Variants in GALNT17 observed in about 807,000 individuals in gnomAD.
GALNT17 encodes the protein UDP-GalNAc:polypeptide N-acetylgalactosaminyltransferase-like 3.
A neutral mutation model predicts 63.7 loss-of-function variants in GALNT17; 29 were observed. The ratio of observed to expected loss-of-function variants is 0.46; its 90% CI spans 0.34 to 0.62. GALNT17 has a LOEUF of 0.62. Among genes scored for constraint, GALNT17 ranks in the 20% least tolerant of loss-of-function variants. The pLI is 0.01. For missense variants in GALNT17, 603 were observed against 799.6 expected (o/e 0.75, Z 2.97); for synonymous variants, 305 against 318.3 (o/e 0.96, Z 0.45).
At chr7:71,471,285 C>T (rs1169702835) in intron 5 of GALNT17, among the ~76,000 whole-genome samples, 1 of 151,364 alleles carries the variant, frequency 6.6e-6, no homozygotes, top group Admixed American at 6.6e-5. Flanking sequence ...CCATGTTGCC[C>T]AGGCTGGTCT....
chr7:71,513,215 T>C (rs1274251062), intron 5 of GALNT17, among the ~76,000 whole-genome samples: 2 of 152,172 alleles, frequency 1.3e-5, no homozygotes, highest in Admixed American at 6.5e-5. Flanking sequence ...TTTGCAGCTC[T>C]TTATTAGTCT....
intron 1 of GALNT17, among the ~76,000 whole-genome samples, chr7:71,297,415 C>G (rs1260346082): frequency 6.6e-6 from 1 of 152,096 alleles, no homozygotes; most frequent in East Asian, 1.9e-4. Flanking sequence ...GTGATGGTGC[C>G]TGCCTGTAAT....
At chr7:71,317,082 C>G (rs919072756) in intron 1 of GALNT17, among the ~76,000 whole-genome samples, 4 of 152,154 alleles carry the variant, frequency 2.6e-5, no homozygotes, top group African/African-American at 9.7e-5. Context: ...CCGGCTTGAG[C>G]TGGGCAAGTC....
chr7:71,548,713 A>T (rs889198949), intron 5 of GALNT17, among the ~76,000 whole-genome samples: 8 of 152,214 alleles, frequency 5.3e-5, no homozygotes, highest in African/African-American at 1.9e-4. Flanking sequence ...GTCTTTATAA[A>T]TTATTCAGTC....
At chr7:71,637,488 C>CCTT in intron 6 of GALNT17, among the ~76,000 whole-genome samples, 1 of 128,494 alleles carries the variant, frequency 7.8e-6, no homozygotes, top group African/African-American at 3.2e-5. Flanking sequence ...CGCACCTGGC[C>CCTT]ATTTTTTTTT....
At chr7:71,422,726 C>T (rs771237300) in intron 5 of GALNT17, among the ~76,000 whole-genome samples, 55 of 152,328 alleles carry the variant, frequency 3.6e-4, no homozygotes, top group African/African-American at 1.3e-3. Flanking sequence ...CTGCAGGGAG[C>T]TTGTGTTAAT....
intron 6 of GALNT17, among the ~76,000 whole-genome samples, chr7:71,596,591 C>G (rs2116927118): frequency 6.6e-6 from 1 of 151,982 alleles, no homozygotes; most frequent in Middle Eastern, 3.4e-3. Flanking sequence ...AGTTTGCAAC[C>G]CTGAAGATGA....
chr7:71,252,631 TGTTAA>T (rs1295002903), intron 1 of GALNT17, among the ~76,000 whole-genome samples: 2 of 152,282 alleles, frequency 1.3e-5, no homozygotes, highest in East Asian at 3.9e-4. Flanking sequence ...AATATTGACA[TGTTAA>T]GTTGGGATGC....
At chr7:71,210,062 A>G (rs1403397438) in intron 1 of GALNT17, among the ~76,000 whole-genome samples, 9 of 152,086 alleles carry the variant, frequency 5.9e-5, no homozygotes, top group Non-Finnish European at 1.0e-4. Flanking sequence ...AGCTGGGATT[A>G]TAGGCACCTG....
At position 71,441,162 on chromosome 7, in the gene GALNT17, A is replaced by G. The variant is rs1056409654; in HGVS notation, c.962+20057A>G. Among the ~76,000 whole-genome samples, 10 of 152,152 alleles carry G rather than the reference A, an allele frequency of 6.6e-5. No homozygotes were observed. In the South Asian group the frequency reaches 2.1e-3, roughly 32 times the overall value. On this transcript the variant is annotated intron_variant, in intron 5 of 10. Coordinates refer to ENST00000333538, the MANE Select transcript of GALNT17 (RefSeq NM_022479.3). ...CTCAGCCTCACAAGTAGCTGGGACT[A>G]TAGGCGCCCGCCACCACGCCCGGCT... is the stretch of plus-strand genomic sequence containing the variant.
intron 1 of GALNT17, among the ~76,000 whole-genome samples, chr7:71,234,971 C>T (rs777634032): frequency 1.2e-4 from 19 of 152,094 alleles, no homozygotes; most frequent in Non-Finnish European, 2.4e-4. Flanking sequence ...GTCTGTTCAG[C>T]GGGGCGCGGT....
intron 1 of GALNT17, among the ~76,000 whole-genome samples, chr7:71,273,256 A>G (rs893448362): frequency 6.6e-6 from 1 of 152,204 alleles, no homozygotes; most frequent in Non-Finnish European, 1.5e-5. Flanking sequence ...GTTCTCTGAA[A>G]TGTTATTGTA....
intron 1 of GALNT17, among the ~76,000 whole-genome samples, chr7:71,269,974 A>C (rs1790556845): frequency 6.6e-6 from 1 of 152,196 alleles, no homozygotes; most frequent in Non-Finnish European, 1.5e-5. Context: ...AGGCTTTAGG[A>C]AATATTTTCA....
At chr7:71,655,104 C>T (rs6460682) in intron 6 of GALNT17, among the ~76,000 whole-genome samples, 150,297 of 152,202 alleles carry the variant, frequency 0.99, 74,224 homozygotes, top group East Asian at 1. Flanking sequence ...ACAAAATATT[C>T]AAAAATTAGG....
intron 2 of GALNT17, among the ~76,000 whole-genome samples, chr7:71,339,376 C>G (rs1383464049): frequency 1.3e-5 from 2 of 152,152 alleles, no homozygotes; most frequent in African/African-American, 4.8e-5. Flanking sequence ...CTTGAAGGAC[C>G]ATTAAGGGAT....
rs1791804049 is a variant in GALNT17 at position 71,712,142 on chromosome 7, A to G, written c.1793A>G (p.Lys598Arg). The change falls in exon 11 of 11, where the codon AAG becomes AGG. Residue 598 changes from lysine (K) to arginine (R), a missense_variant. Physicochemically the swap from Lys to Arg is conservative, Grantham distance 26. This residue lies in a region of GALNT17 where 72 missense variants were observed against 76.9 expected (regional missense o/e 0.94). Coordinates refer to ENST00000333538, the MANE Select transcript of GALNT17 (RefSeq NM_022479.3). Reference sequence around the variant, plus strand: ...AGGTGGACCATTAAGAACTCCATCAAGTAGAGGGAGGGAGCTGGGGCACTG... The same window carrying G: ...AGGTGGACCATTAAGAACTCCATCAGGTAGAGGGAGGGAGCTGGGGCACTG... ...GQRWTIKNSI[K>R] The G allele has an allele frequency of 6.2e-7, 1 of 1,612,424 alleles. No individual in the cohort carries two copies. The highest frequency in any genetic ancestry group is 1.3e-5 in the African/African-American group (1 of 74,992).
At chr7:71,583,770 A>C (rs553068487) in intron 6 of GALNT17, among the ~76,000 whole-genome samples, 127 of 151,504 alleles carry the variant, frequency 8.4e-4, no homozygotes, top group Non-Finnish European at 2.9e-4. Flanking sequence ...CCACACACCA[A>C]ACAGCCCTTC....
At chr7:71,608,393 G>A (rs1221247102) in intron 6 of GALNT17, among the ~76,000 whole-genome samples, 1 of 152,114 alleles carries the variant, frequency 6.6e-6, no homozygotes, top group East Asian at 1.9e-4. Context: ...CTTGGGTTGG[G>A]ATGGAGGTGT....
At chr7:71,545,472 C>T (rs1788967614) in intron 5 of GALNT17, among the ~76,000 whole-genome samples, 1 of 152,174 alleles carries the variant, frequency 6.6e-6, no homozygotes, top group South Asian at 2.1e-4. Flanking sequence ...ATGCTTCAGC[C>T]TCCTGAGTAG....
Sources: allele counts gnomAD v4.1 joint callset (sites outside exome capture counted in the v4.1 genomes callset), GRCh38; gene constraint gnomAD v4.1.1; regional missense constraint gnomAD v4.1.1; transcripts MANE v1.5; gene names NCBI Gene and HGNC (gene_info 2026-07-23, HGNC 2026-07-21).